The following OGN variants were observed in gnomAD, a reference collection of about 807,000 sequenced individuals.
OGN encodes the protein mimecan.
Under a neutral mutation model 30.8 loss-of-function variants are expected in OGN, and 19 were observed. The ratio of observed to expected loss-of-function variants is 0.62; its 90% CI spans 0.43 to 0.90. The LOEUF is 0.90. Ranked by LOEUF, OGN falls within the 40% of genes least tolerant of loss-of-function variation. OGN has a pLI of 0.00. For missense variants in OGN, 283 were observed against 349.7 expected, an observed-to-expected ratio of 0.81 and a Z score of 1.52; for synonymous variants, 126 against 128.3, an observed-to-expected ratio of 0.98 and a Z score of 0.12.
Position 92,385,279 on chromosome 9 carries a change from C to G in OGN, c.*341G>C. On this transcript the variant is annotated 3_prime_UTR_variant, in exon 7 of 7. Coordinates refer to ENST00000375561, the MANE Select transcript of OGN (RefSeq NM_014057.5). Reference sequence around the variant, plus strand: ...AGGAAAGGCAAAGAGTTGAAAGTTTCTTGGATTTATCCTCGTACTTACATC... The same window carrying G: ...AGGAAAGGCAAAGAGTTGAAAGTTTGTTGGATTTATCCTCGTACTTACATC... The G allele has an allele frequency of 5.8e-6, 1 of 171,296 alleles. No individual in the cohort carries two copies. 10.6% of individuals were successfully genotyped at this position (171,296 alleles called of 1,614,324 possible).
chr9:92,404,435 A>G, intron 1 of OGN, 61 bp downstream of exon 1: 1 of 1,065,342 alleles, frequency 9.4e-7, no homozygotes. Flanking sequence ...TAAGACTATT[A>G]GATGAGTCAG....
chr9:92,400,342 G>T (rs1004572657), intron 3 of OGN, among the ~76,000 whole-genome samples: 1 of 151,852 alleles, frequency 6.6e-6, no homozygotes, highest in Admixed American at 6.6e-5. Context: ...GTAGAGACAG[G>T]GTTTCACCAT....
rs1393069438 is a variant in OGN at position 92,403,339 on chromosome 9, G to A, written c.69C>T (p.Thr23=). Residue 23 remains threonine (T), a synonymous_variant, in exon 2 of 7, where the codon ACC becomes ACT. Transcript: ENST00000375561. ...LVPLIKPAPP[T]QQDSRIIYDY... ...CATAGATAATGCGTGAGTCCTGCTG[G>A]GTTGGTGGTGCTGGCTTTATCAGAG... 6.2e-7 allele frequency: 1 copy of A among 1,613,434 alleles called. No individual in the cohort carries two copies. Among genetic ancestry groups the A allele is most frequent in the African/African-American group, 1.3e-5 (1 of 74,986 alleles).
At chr9:92,395,169 A>G (rs1291886237) in intron 3 of OGN, among the ~76,000 whole-genome samples, 4 of 152,140 alleles carry the variant, frequency 2.6e-5, no homozygotes, top group Non-Finnish European at 5.9e-5. Flanking sequence ...CACTCCAAAA[A>G]GTTTTCTCCT....
In OGN at chr9:92,385,637, T is replaced by C; in HGVS notation, c.880A>G (p.Ile294Val). 1 of 1,614,120 alleles carries C rather than the reference T, an allele frequency of 6.2e-7. No homozygotes were observed. Among genetic ancestry groups the C allele is most frequent in the African/African-American group, 1.3e-5 (1 of 75,060 alleles). ...AATAGAGGTTAAAAGTATGACCCTA[T>C]CGGTAATCTTTTTAAGCAAATAAAA... ...NSFICLKRLP[I>V]GSYF Residue 294 changes from isoleucine to valine, a missense_variant, in exon 7 of 7, where the codon ATA (isoleucine) becomes GTA (valine). Coordinates refer to ENST00000375561, the MANE Select transcript of OGN (RefSeq NM_014057.5).
intron 5 of OGN, 77 bp from the exon 6 acceptor site, chr9:92,386,373 A>T: frequency 1.2e-6 from 1 of 835,456 alleles, no homozygotes; most frequent in South Asian, 1.4e-5. Flanking sequence ...ATATATGTGC[A>T]TATGAGTATA....
At chr9:92,391,303 A>G (rs1218153376) in intron 4 of OGN, among the ~76,000 whole-genome samples, 1 of 151,874 alleles carries the variant, frequency 6.6e-6, no homozygotes, top group African/African-American at 2.4e-5. Context: ...GCTACTCGGG[A>G]AGCTGAGGCA....
At chr9:92,396,256 C>G (rs1000896911) in intron 3 of OGN, among the ~76,000 whole-genome samples, 31 of 152,032 alleles carry the variant, frequency 2.0e-4, no homozygotes, top group African/African-American at 7.5e-4. Context: ...TGTCTTGATT[C>G]CTGTACCTTT....
intron 5 of OGN, 39 bp downstream of exon 5, chr9:92,389,815 T>C (rs372802118): frequency 2.1e-4 from 284 of 1,332,894 alleles, no homozygotes; most frequent in Non-Finnish European, 2.9e-4. Flanking sequence ...TATCATATCA[T>C]CACTCATACT....
rs1404839160 is a variant in OGN at position 92,383,965 on chromosome 9, C to T, written c.*1655G>A. 6.6e-6 allele frequency: 1 copy of T among 151,862 alleles called. No individual in the cohort carries two copies. Among genetic ancestry groups the T allele is most frequent in the East Asian group, 1.9e-4 (1 of 5,190 alleles). 9.4% of individuals were successfully genotyped at this position (151,862 alleles called of 1,614,324 possible). A position where few individuals can be genotyped will look rare whatever the true frequency, so the allele number is the denominator to read the frequency against. ...TCAATTTTTCCAAATAAAACAGAACCCTTCTATTTAGATGGATTTTATTTT... is the reference window on the plus strand; with the variant it reads ...TCAATTTTTCCAAATAAAACAGAACTCTTCTATTTAGATGGATTTTATTTT... On this transcript the variant is annotated 3_prime_UTR_variant, in exon 7 of 7. Transcript: ENST00000375561.
intron 5 of OGN, among the ~76,000 whole-genome samples, chr9:92,387,882 G>A (rs1417152084): frequency 6.6e-6 from 1 of 151,920 alleles, no homozygotes; most frequent in African/African-American, 2.4e-5. Flanking sequence ...TCCTGCCTCA[G>A]CCTCCTGAGT....
Position 92,389,900 on chromosome 9 carries a change from T to G in OGN, c.584A>C (p.Lys195Thr). ...LPPKLTLFNA[K>T]YNKIKSRGIK... ...TCCCCTACTCTTGATTTTGTTGTAT[T>G]TTGCATTAAATAAAGTGAGCTTGGG... The change falls in exon 5 of 7, where the codon AAA becomes ACA. Residue 195 changes from lysine (K) to threonine (T), a missense_variant. Coordinates refer to ENST00000375561, the MANE Select transcript of OGN (RefSeq NM_014057.5). The G allele has an allele frequency of 6.2e-7, 1 of 1,613,216 alleles. No individual in the cohort carries two copies. Among genetic ancestry groups the G allele is most frequent in the Non-Finnish European group, 8.5e-7 (1 of 1,179,536 alleles).
intron 4 of OGN, among the ~76,000 whole-genome samples, chr9:92,391,674 A>G (rs933889206): frequency 3.8e-4 from 58 of 152,148 alleles, no homozygotes; most frequent in African/African-American, 1.3e-3. Flanking sequence ...AATGTGAAAA[A>G]CATGTCGTTA....
At chr9:92,394,422 T>C (rs1238386933) in intron 3 of OGN, among the ~76,000 whole-genome samples, 3 of 151,162 alleles carry the variant, frequency 2.0e-5, no homozygotes, top group African/African-American at 7.3e-5. Context: ...TTTTTTTTTT[T>C]TTGAATTTTT....
At chr9:92,399,764 G>GGT (rs1337126164) in intron 3 of OGN, among the ~76,000 whole-genome samples, 1 of 152,010 alleles carries the variant, frequency 6.6e-6, no homozygotes, top group African/African-American at 2.4e-5. Flanking sequence ...GACCATTTTT[G>GGT]CTTCAGTGAT....
chr9:92,401,162 G>A lies in OGN; in HGVS notation c.198C>T (p.Pro66=), dbSNP rs142179123. The A allele has an allele frequency of 3.3e-6, 5 of 1,522,942 alleles. No homozygotes were observed. The highest frequency in any genetic ancestry group is 4.5e-6 in the Non-Finnish European group (5 of 1,099,062). 94.3% of individuals were successfully genotyped at this position (1,522,942 alleles called of 1,614,324 possible). Residue 66 remains proline, a synonymous_variant, in exon 3 of 7, where the codon CCC becomes CCT. Coordinates refer to ENST00000375561, the MANE Select transcript of OGN (RefSeq NM_014057.5). ...TTTGTAATTGAAGACTTTTCTCATTGGGTATTATCACAGTTTCTTTTTCCT... is the reference window on the plus strand; with the variant it reads ...TTTGTAATTGAAGACTTTTCTCATTAGGTATTATCACAGTTTCTTTTTCCT... The part of the protein sequence containing the change: ...NIKEKETVII[P]NEKSLQLQKD...
At chr9:92,386,066 G>A in intron 6 of OGN, 135 bp downstream of exon 6, 2 of 682,288 alleles carry the variant, frequency 2.9e-6, no homozygotes, top group Non-Finnish European at 5.1e-6. Context: ...CTTTTTGATA[G>A]GCAGACATTT....
chr9:92,397,684 G>A (rs570472187), intron 3 of OGN, among the ~76,000 whole-genome samples: 14 of 152,224 alleles, frequency 9.2e-5, no homozygotes, highest in African/African-American at 2.9e-4. Flanking sequence ...GCAGGTGCTG[G>A]GTGTGCTCAT....
chr9:92,403,816 T>A, intron 1 of OGN: 1 of 357,752 alleles, frequency 2.8e-6, no homozygotes, highest in Non-Finnish European at 3.9e-6. Flanking sequence ...TCATGTGAGT[T>A]AAAAATATCA....
Sources: gnomAD v4.1 joint callset for allele counts (sites outside exome capture counted in the v4.1 genomes callset) on GRCh38, gnomAD v4.1.1 for gene constraint, MANE v1.5 for transcripts, NCBI Gene and HGNC (gene_info 2026-07-23, HGNC 2026-07-21) for gene names.